KNTC1: variants seen among roughly 807,000 people sequenced by gnomAD.
KNTC1 encodes the protein kinetochore-associated protein 1.
KNTC1 carries 253 observed loss-of-function variants against 314.4 expected under a neutral mutation model. The observed-to-expected ratio is 0.80, with a 90% CI of 0.73 to 0.89. The LOEUF (loss-of-function observed/expected upper bound fraction) is 0.89. KNTC1 is among the 40% of genes least tolerant of loss of function. The pLI, the probability that KNTC1 is intolerant of heterozygous loss-of-function variation, is 0.00. For missense variants in KNTC1, 2,475 were observed against 2,572.9 expected (o/e 0.96, Z 0.82); for synonymous variants, 901 against 901.4 (o/e 1.00, Z 0.01).
intron 31 of KNTC1, among the ~76,000 whole-genome samples, chr12:122,579,042 T>G (rs1351112169): frequency 1.1e-3 from 9 of 8,246 alleles, no homozygotes; most frequent in Non-Finnish European, 1.9e-3. Flanking sequence ...TTTTTTTTTT[T>G]TTTTTTTTTT....
chr12:122,528,000 G>A (rs1460593918), intron 1 of KNTC1, among the ~76,000 whole-genome samples: 2 of 152,236 alleles, frequency 1.3e-5, no homozygotes, highest in East Asian at 1.9e-4. Flanking sequence ...AACAAGATAC[G>A]TATTAACAAT....
At chr12:122,555,923 T>TA (rs2137808414) in intron 16 of KNTC1, among the ~76,000 whole-genome samples, 1 of 152,320 alleles carries the variant, frequency 6.6e-6, no homozygotes, top group Non-Finnish European at 1.5e-5. Flanking sequence ...TTTATACATT[T>TA]ACATTGTGCA....
chr12:122,598,437 T>C (rs552691306), intron 44 of KNTC1, among the ~76,000 whole-genome samples: 1 of 150,324 alleles, frequency 6.7e-6, no homozygotes, highest in African/African-American at 2.4e-5. Flanking sequence ...TTTTTTTTTT[T>C]TGAGACAAGG....
chr12:122,569,794 A>G lies in KNTC1; in HGVS notation c.1830A>G (p.Pro610=), dbSNP rs185228966. ...CATGGTTTAAAAATGATGTGATTCCATTTGTAAGAAGGACTGTGCCTGAAG... is the reference window on the plus strand; with the variant it reads ...CATGGTTTAAAAATGATGTGATTCCGTTTGTAAGAAGGACTGTGCCTGAAG... ...LCPWFKNDVI[P]FVRRTVPEGQ... Residue 610 remains proline (P), a synonymous_variant, in exon 22 of 64, where the codon CCA becomes CCG. Coordinates refer to ENST00000333479, the MANE Select transcript of KNTC1 (RefSeq NM_014708.6). 8 of 1,613,582 alleles carry G rather than the reference A, an allele frequency of 5.0e-6. No homozygotes were observed. Among genetic ancestry groups the G allele is most frequent in the African/African-American group, 2.7e-5 (2 of 75,038 alleles).
intron 19 of KNTC1, 28 bp downstream of exon 19, chr12:122,562,002 A>G (rs757011335): frequency 2.5e-6 from 4 of 1,578,060 alleles, no homozygotes; most frequent in Non-Finnish European, 2.6e-6. Context: ...CTAGGTTAAT[A>G]TGTGGGTGAA....
intron 37 of KNTC1, 75 bp downstream of exon 37, chr12:122,585,849 A>G: frequency 7.1e-7 from 1 of 1,404,184 alleles, no homozygotes; most frequent in Non-Finnish European, 1.0e-6. Context: ...GTTTGGAGCT[A>G]GAACTACACA....
At chr12:122,601,303 T>G (rs1361624345) in intron 44 of KNTC1, among the ~76,000 whole-genome samples, 1 of 151,968 alleles carries the variant, frequency 6.6e-6, no homozygotes, top group Non-Finnish European at 1.5e-5. Flanking sequence ...GCCAGGATGG[T>G]CTCGATCTCC....
At chr12:122,624,878 G>C (rs1057411234) in intron 63 of KNTC1, 190 bp downstream of exon 63, 4 of 559,736 alleles carry the variant, frequency 7.1e-6, no homozygotes, top group Non-Finnish European at 1.3e-5. Context: ...TCTAATCTCA[G>C]CCCTGCCACT....
chr12:122,573,122 A>G lies in KNTC1; in HGVS notation c.2140-20A>G, dbSNP rs1209938290. 1 of 1,613,724 alleles carries G rather than the reference A, an allele frequency of 6.2e-7. No homozygotes were observed. Among genetic ancestry groups the G allele is most frequent in the Non-Finnish European group, 8.5e-7 (1 of 1,179,794 alleles). On this transcript the variant is annotated intron_variant, in intron 25 of 63. Coordinates refer to ENST00000333479, the MANE Select transcript of KNTC1 (RefSeq NM_014708.6). ...TATGGGTAGAGTCTGTATTTATTCCATCTTTCTTTTGGCATCCAGGAAAAT... is the reference window on the plus strand; with the variant it reads ...TATGGGTAGAGTCTGTATTTATTCCGTCTTTCTTTTGGCATCCAGGAAAAT...
At chr12:122,545,229 C>G (rs946975056) in intron 8 of KNTC1, among the ~76,000 whole-genome samples, 2 of 152,066 alleles carry the variant, frequency 1.3e-5, no homozygotes, top group Non-Finnish European at 2.9e-5. Context: ...TTTTTACTTG[C>G]CAAATTTATA....
intron 53 of KNTC1, among the ~76,000 whole-genome samples, chr12:122,612,189 C>T (rs1328199604): frequency 6.6e-6 from 1 of 151,568 alleles, no homozygotes; most frequent in Non-Finnish European, 1.5e-5. Flanking sequence ...CCTCAGCCTC[C>T]CGAGTAGCTG....
In KNTC1 at chr12:122,597,965, T is replaced by C. The variant is rs770375881; in HGVS notation, c.4563+27T>C. On this transcript the variant is annotated intron_variant, in intron 44 of 63. Transcript: ENST00000333479. ...TAGACACACAGTGAAATGAATCGGGTCATCTCAGCCATCCCTCCCACCCTT... is the reference window on the plus strand; with the variant it reads ...TAGACACACAGTGAAATGAATCGGGCCATCTCAGCCATCCCTCCCACCCTT... 7.0e-6 allele frequency: 11 copies of C among 1,577,652 alleles called. No individual in the cohort carries two copies. The East Asian group carries it at 2.5e-4, about 35-fold the overall frequency.
At chr12:122,582,052 T>C (rs573379227) in intron 33 of KNTC1, among the ~76,000 whole-genome samples, 1 of 152,324 alleles carries the variant, frequency 6.6e-6, no homozygotes, top group African/African-American at 2.4e-5. Flanking sequence ...AGTGGAATCA[T>C]ACAATTAAGC....
In KNTC1 at chr12:122,586,792, A is replaced by ATATT. The variant is rs749131425; in HGVS notation, c.3730+61_3730+64dup. ...ACAAGAAATATATAGCATTCTATTA[A>ATATT]TATTTATTTATTTATTTATTTATTT... On this transcript the variant is annotated intron_variant, in intron 38 of 63. Coordinates refer to ENST00000333479, the MANE Select transcript of KNTC1 (RefSeq NM_014708.6). 2.0e-4 allele frequency: 141 copies of ATATT among 711,756 alleles called. No individual in the cohort carries two copies. The East Asian group carries it at 2.4e-3, about 12-fold the overall frequency. 44.1% of individuals were successfully genotyped at this position (711,756 alleles called of 1,614,324 possible). A position where few individuals can be genotyped will look rare whatever the true frequency, so the allele number is the denominator to read the frequency against.
chr12:122,553,028 A>C (rs779128110), intron 16 of KNTC1, among the ~76,000 whole-genome samples: 1 of 152,050 alleles, frequency 6.6e-6, no homozygotes, highest in Admixed American at 6.6e-5. Context: ...GTGGTGGCAC[A>C]TGCCTGTAGT....
chr12:122,559,232 T>C (rs1963816414), intron 18 of KNTC1, among the ~76,000 whole-genome samples: 1 of 152,014 alleles, frequency 6.6e-6, no homozygotes, highest in Non-Finnish European at 1.5e-5. Context: ...GGCACGCACC[T>C]GTAGTCCCAG....
intron 41 of KNTC1, among the ~76,000 whole-genome samples, chr12:122,591,051 CAGAT>C (rs1361907457): frequency 2.0e-5 from 3 of 151,992 alleles, no homozygotes; most frequent in African/African-American, 7.2e-5. Context: ...ATAAGTTTAA[CAGAT>C]AGAAAATTTC....
Position 122,626,344 on chromosome 12 carries a change from T to G in KNTC1, c.*116T>G, listed in dbSNP as rs1875050779. On this transcript the variant is annotated 3_prime_UTR_variant, in exon 64 of 64. Coordinates refer to ENST00000333479, the MANE Select transcript of KNTC1 (RefSeq NM_014708.6). ...CTGTATTATAGCTATTTGTCTAACA[T>G]TACCCCACATGTAATAAATAAAACA... is the stretch of plus-strand genomic sequence containing the variant. The G allele has an allele frequency of 2.8e-6, 2 of 712,824 alleles. No homozygotes were observed. The highest frequency in any genetic ancestry group is 3.6e-5 in the African/African-American group (2 of 55,756). 44.2% of individuals were successfully genotyped at this position (712,824 alleles called of 1,614,324 possible).
At chr12:122,544,308 A>C (rs746080080) in intron 8 of KNTC1, 39 bp downstream of exon 8, 1 of 995,176 alleles carries the variant, frequency 1.0e-6, no homozygotes, top group Non-Finnish European at 1.5e-6. Context: ...TGTTGCCTAA[A>C]GCATTTTCTC....
Sources: allele counts gnomAD v4.1 joint callset (sites outside exome capture counted in the v4.1 genomes callset), GRCh38; gene constraint gnomAD v4.1.1; transcripts MANE v1.5; gene names NCBI Gene and HGNC (gene_info 2026-07-23, HGNC 2026-07-21).